Variants in MDFIC2 observed in about 807,000 individuals in gnomAD.
MDFIC2 encodes the protein MyoD family inhibitor domain containing 2.
At chr3:70,277,688 C>T (rs777889913) in intron 2 of MDFIC2, among the ~76,000 whole-genome samples, 43 of 152,212 alleles carry the variant, frequency 2.8e-4, no homozygotes, top group Middle Eastern at 3.4e-3. Context: ...CACCACCTCC[C>T]GAGCTTCAGG....
At chr3:70,270,193 G>GA (rs1701963303) in intron 2 of MDFIC2, among the ~76,000 whole-genome samples, 1 of 151,998 alleles carries the variant, frequency 6.6e-6, no homozygotes, top group Non-Finnish European at 1.5e-5. Flanking sequence ...TAACAACTTT[G>GA]AAAAAAAGTG....
chr3:70,279,494 G>A (rs957163179), intron 2 of MDFIC2, among the ~76,000 whole-genome samples: 8 of 152,052 alleles, frequency 5.3e-5, no homozygotes, highest in African/African-American at 1.7e-4. Flanking sequence ...CAAATCTTGT[G>A]CACTTTCTCA....
intron 2 of MDFIC2, among the ~76,000 whole-genome samples, chr3:70,280,246 T>C (rs1268661023): frequency 6.6e-6 from 1 of 152,132 alleles, no homozygotes; most frequent in African/African-American, 2.4e-5. Flanking sequence ...CTTAAAAAGA[T>C]GTTTGTGATT....
chr3:70,293,886 T>G (rs1241097093), intron 2 of MDFIC2, among the ~76,000 whole-genome samples: 2 of 152,008 alleles, frequency 1.3e-5, no homozygotes, highest in Non-Finnish European at 2.9e-5. Flanking sequence ...TATTTTTGTG[T>G]TACATGTTGA....
intron 2 of MDFIC2, chr3:70,291,895 T>C (rs1023180580): frequency 6.6e-6 from 1 of 152,224 alleles, no homozygotes. Context: ...TATTTTCTGC[T>C]CTCTTATCTT....
At position 70,294,447 on chromosome 3, in the gene MDFIC2, T is replaced by C. The variant is rs551861739; in HGVS notation, c.88+17439A>G. 2.0e-5 allele frequency among the ~76,000 whole-genome samples: 3 copies of C among 152,138 alleles called. No individual in the cohort carries two copies. In the South Asian group the frequency reaches 6.2e-4, roughly 32 times the overall value. On this transcript the variant is annotated intron_variant, in intron 2 of 3. Transcript: ENST00000567252. ...GAATATAGAAAGGAATAAGAAACCA[T>C]ATATTCCCTGACAGTTTCAAAAAAG...
At chr3:70,245,714 TAC>T (rs1405879331) in intron 2 of MDFIC2, among the ~76,000 whole-genome samples, 8 of 123,948 alleles carry the variant, frequency 6.5e-5, no homozygotes, top group South Asian at 2.6e-4. Context: ...TATATATATA[TAC>T]ACATTCAAAT....
intron 2 of MDFIC2, among the ~76,000 whole-genome samples, chr3:70,271,165 A>G (rs1701972858): frequency 1.3e-5 from 2 of 152,178 alleles, no homozygotes; most frequent in Admixed American, 6.5e-5. Flanking sequence ...AAGTATGCCA[A>G]AAACAGTAAT....
chr3:70,218,512 C>T (rs1382726355), intron 2 of MDFIC2, among the ~76,000 whole-genome samples: 2 of 152,076 alleles, frequency 1.3e-5, no homozygotes, highest in Non-Finnish European at 2.9e-5. Context: ...TGCTTCCTTT[C>T]GGTACCCAGG....
chr3:70,306,810 CA>C (rs1379791308), intron 2 of MDFIC2, among the ~76,000 whole-genome samples: 1 of 152,022 alleles, frequency 6.6e-6, no homozygotes, highest in East Asian at 1.9e-4. Flanking sequence ...TTCTGAAGGA[CA>C]AAAAACTTAT....
intron 2 of MDFIC2, among the ~76,000 whole-genome samples, chr3:70,251,990 G>A (rs1701773707): frequency 6.6e-6 from 1 of 152,132 alleles, no homozygotes; most frequent in African/African-American, 2.4e-5. Context: ...ACGTGTTAAG[G>A]AACTAAAATT....
At chr3:70,256,221 G>C (rs1029112016) in intron 2 of MDFIC2, among the ~76,000 whole-genome samples, 4 of 152,072 alleles carry the variant, frequency 2.6e-5, no homozygotes, top group Admixed American at 6.5e-5. Flanking sequence ...TAAAGTTTTT[G>C]TTTCTAATAA....
chr3:70,258,111 T>C (rs890164933), intron 2 of MDFIC2, among the ~76,000 whole-genome samples: 1 of 152,154 alleles, frequency 6.6e-6, no homozygotes, highest in African/African-American at 2.4e-5. Flanking sequence ...CAACTTTCAT[T>C]TCACATCATA....
chr3:70,273,741 C>CT (rs1164623974), intron 2 of MDFIC2, among the ~76,000 whole-genome samples: 25 of 152,188 alleles, frequency 1.6e-4, no homozygotes, highest in Non-Finnish European at 3.2e-4. Context: ...TAAAGAGTAG[C>CT]TTTTTCAGAT....
In MDFIC2 at chr3:70,195,140, C is replaced by T. The variant is rs78522103; in HGVS notation, c.*1786G>A. On this transcript the variant is annotated 3_prime_UTR_variant, in exon 4 of 4. Coordinates refer to ENST00000567252, the MANE Select transcript of MDFIC2 (RefSeq NM_001364677.1). Reference sequence around the variant, plus strand: ...TCTTGAATAAGTCAGTTCATGGGGCCTCTCTTTTCCCCTGTGAAATATAAA... The same window carrying T: ...TCTTGAATAAGTCAGTTCATGGGGCTTCTCTTTTCCCCTGTGAAATATAAA... Among the ~76,000 whole-genome samples, 496 of 152,264 alleles carry T rather than the reference C, an allele frequency of 3.3e-3. 4 individuals carry two copies. Among genetic ancestry groups the T allele is most frequent in the African/African-American group, 0.012 (482 of 41,554 alleles).
intron 2 of MDFIC2, among the ~76,000 whole-genome samples, chr3:70,282,984 GA>G (rs1702104179): frequency 6.6e-6 from 1 of 152,162 alleles, no homozygotes; most frequent in Admixed American, 6.5e-5. Context: ...CTCAGAATAA[GA>G]AAAAAATGGA....
intron 2 of MDFIC2, among the ~76,000 whole-genome samples, chr3:70,240,682 A>G (rs1277649331): frequency 6.6e-6 from 1 of 152,138 alleles, no homozygotes; most frequent in Non-Finnish European, 1.5e-5. Context: ...CTATAGTACC[A>G]ATCTGGTTTA....
chr3:70,298,252 A>G (rs1702310267), intron 2 of MDFIC2, among the ~76,000 whole-genome samples: 1 of 152,072 alleles, frequency 6.6e-6, no homozygotes, highest in Non-Finnish European at 1.5e-5. Flanking sequence ...TGATTCTGCC[A>G]CTGGAGTTAT....
intron 2 of MDFIC2, among the ~76,000 whole-genome samples, chr3:70,280,528 T>C (rs779511311): frequency 6.6e-6 from 1 of 152,138 alleles, no homozygotes. Flanking sequence ...TGAAGCATTA[T>C]CTCTACTTTT....
Sources: allele counts gnomAD v4.1 joint callset (sites outside exome capture counted in the v4.1 genomes callset), GRCh38; gene constraint gnomAD v4.1.1; transcripts MANE v1.5; gene names NCBI Gene and HGNC (gene_info 2026-07-23, HGNC 2026-07-21).